The following PCDH15 variants were observed in gnomAD, a reference collection of about 807,000 sequenced individuals.
PCDH15 encodes protocadherin-15.
In PCDH15, 129 loss-of-function variants were observed where a neutral mutation model predicts 178.5. The observed-to-expected ratio is 0.72, with a 90% confidence interval of 0.63 to 0.84. The LOEUF (loss-of-function observed/expected upper bound fraction) is 0.84. Among genes scored for constraint, PCDH15 ranks in the 40% least tolerant of loss-of-function variants. The probability of loss-of-function intolerance (pLI) is 0.00; values close to 1 mark genes in which losing one functional copy is unlikely to be tolerated. For missense variants in PCDH15, 2,230 were observed against 2,099.9 expected, an observed-to-expected ratio of 1.06 and a Z score of -1.21; for synonymous variants, 800 against 732.0, an observed-to-expected ratio of 1.09 and a Z score of -1.50.
chr10:54,979,354 G>A (rs1257421571), intron 2 of PCDH15, among the ~76,000 whole-genome samples: 1 of 152,106 alleles, frequency 6.6e-6, no homozygotes, highest in African/African-American at 2.4e-5. Flanking sequence ...GGCTTCAAGA[G>A]GGAGACTAGG....
chr10:53,912,337 G>A (rs565063104), intron 25 of PCDH15, among the ~76,000 whole-genome samples: 7 of 152,052 alleles, frequency 4.6e-5, no homozygotes, highest in South Asian at 2.1e-4. Context: ...AGCCAGTATC[G>A]TACTGAATGG....
intron 2 of PCDH15, among the ~76,000 whole-genome samples, chr10:54,900,387 T>A (rs1954619541): frequency 6.6e-6 from 1 of 152,174 alleles, no homozygotes; most frequent in East Asian, 1.9e-4. Flanking sequence ...CAGGGCAGAT[T>A]GAAGGAGATT....
intron 6 of PCDH15, among the ~76,000 whole-genome samples, chr10:54,332,826 A>G (rs1159665324): frequency 4.6e-5 from 7 of 152,068 alleles, no homozygotes; most frequent in African/African-American, 1.7e-4. Flanking sequence ...GTTATTAGTG[A>G]CTTTATTGAT....
At chr10:55,410,132 C>T (rs1838296945) in intron 2 of PCDH15, among the ~76,000 whole-genome samples, 1 of 151,982 alleles carries the variant, frequency 6.6e-6, no homozygotes. Flanking sequence ...TTTTTTAACT[C>T]TCCCTATTAG....
intron 2 of PCDH15, among the ~76,000 whole-genome samples, chr10:55,070,510 T>G (rs1381488234): frequency 6.6e-6 from 1 of 152,198 alleles, no homozygotes; most frequent in Non-Finnish European, 1.5e-5. Flanking sequence ...TAGCCAGTTT[T>G]CCCAGCACCA....
intron 3 of PCDH15, among the ~76,000 whole-genome samples, chr10:54,824,445 T>C (rs149963554): frequency 6.6e-6 from 1 of 152,250 alleles, no homozygotes; most frequent in African/African-American, 2.4e-5. Flanking sequence ...TCCCATATGC[T>C]ACCTTGAAGA....
At chr10:54,237,608 A>G (rs1008107048) in intron 8 of PCDH15, among the ~76,000 whole-genome samples, 2 of 152,186 alleles carry the variant, frequency 1.3e-5, no homozygotes, top group African/African-American at 4.8e-5. Flanking sequence ...GATAATAACT[A>G]TCTTTAGGCT....
intron 2 of PCDH15, among the ~76,000 whole-genome samples, chr10:55,127,423 G>A (rs1410499133): frequency 3.9e-5 from 6 of 152,002 alleles, no homozygotes; most frequent in Non-Finnish European, 7.4e-5. Context: ...GGAAAGAGAG[G>A]CTCTTAAAGA....
chr10:54,873,079 A>G (rs1471793742), intron 3 of PCDH15, among the ~76,000 whole-genome samples: 1 of 152,174 alleles, frequency 6.6e-6, no homozygotes. Flanking sequence ...TTTTCTGGGC[A>G]GTTATGTCTC....
intron 3 of PCDH15, among the ~76,000 whole-genome samples, chr10:54,483,662 A>G (rs946624936): frequency 1.4e-4 from 22 of 151,880 alleles, no homozygotes; most frequent in African/African-American, 5.1e-4. Flanking sequence ...CAGAAAACCT[A>G]AAGAAATCAA....
intron 2 of PCDH15, among the ~76,000 whole-genome samples, chr10:54,594,959 T>G (rs2092130505): frequency 6.6e-6 from 1 of 151,964 alleles, no homozygotes; most frequent in Non-Finnish European, 1.5e-5. Context: ...TCACAGAGGG[T>G]GCACACAGTC....
intron 18 of PCDH15, among the ~76,000 whole-genome samples, chr10:54,026,622 C>T (rs1439023755): frequency 6.6e-6 from 1 of 152,134 alleles, no homozygotes; most frequent in African/African-American, 2.4e-5. Flanking sequence ...ATATCTTTGG[C>T]TCTGTTTATA....
chr10:55,374,541 T>TC (rs1554859095), intron 2 of PCDH15, among the ~76,000 whole-genome samples: 1 of 151,974 alleles, frequency 6.6e-6, no homozygotes, highest in Non-Finnish European at 1.5e-5. Context: ...TAGAATAGCT[T>TC]CCCATGACAT....
intron 2 of PCDH15, among the ~76,000 whole-genome samples, chr10:55,018,786 A>T (rs1840250040): frequency 6.6e-6 from 1 of 152,134 alleles, no homozygotes; most frequent in Non-Finnish European, 1.5e-5. Context: ...GAGCAGCTAG[A>T]ACATTTTGTT....
chr10:55,283,743 C>T lies in PCDH15; in HGVS notation c.-156+35856G>A, dbSNP rs1455346151. 1.3e-5 allele frequency among the ~76,000 whole-genome samples: 2 copies of T among 151,328 alleles called. 1 individual carries two copies. On this transcript the variant is annotated intron_variant, in intron 1 of 5. Transcript: ENST00000458638. ...ATTTTCATATGGCTTGTAACACTTT[C>T]TAGTTATACAATGTTAACTAGGTTA...
At chr10:54,222,217 T>C (rs528540122) in intron 9 of PCDH15, among the ~76,000 whole-genome samples, 2 of 152,344 alleles carry the variant, frequency 1.3e-5, no homozygotes, top group Admixed American at 6.5e-5. Flanking sequence ...CTAAATGTTT[T>C]ATTAAGAATT....
chr10:54,362,620 G>C (rs530557160), intron 5 of PCDH15, among the ~76,000 whole-genome samples: 3 of 152,122 alleles, frequency 2.0e-5, no homozygotes, highest in Admixed American at 6.6e-5. Flanking sequence ...TGAAGCACTT[G>C]GGACCCTTTG....
At chr10:54,529,663 T>C (rs1287165714) in intron 2 of PCDH15, among the ~76,000 whole-genome samples, 1 of 152,112 alleles carries the variant, frequency 6.6e-6, no homozygotes, top group Non-Finnish European at 1.5e-5. Flanking sequence ...CATTGTTGCC[T>C]TTTTTTGCCT....
intron 2 of PCDH15, among the ~76,000 whole-genome samples, chr10:54,969,780 A>G (rs1838885720): frequency 2.6e-5 from 4 of 152,138 alleles, no homozygotes; most frequent in Admixed American, 2.0e-4. Context: ...TCTCCTCTCT[A>G]AAGGAACACT....
Sources: allele counts gnomAD v4.1 joint callset (sites outside exome capture counted in the v4.1 genomes callset), GRCh38; gene constraint gnomAD v4.1.1; transcripts MANE v1.5; gene names NCBI Gene and HGNC (gene_info 2026-07-23, HGNC 2026-07-21).